Variants in NKAIN3 observed in about 807,000 individuals in gnomAD.
The protein encoded by NKAIN3 is sodium/potassium-transporting ATPase subunit beta-1-interacting protein 3.
Under a neutral mutation model 30.2 loss-of-function variants are expected in NKAIN3, and 25 were observed. The ratio of observed to expected loss-of-function variants is 0.83; its 90% CI spans 0.60 to 1.16. The LOEUF is 1.16. Ranked by LOEUF, NKAIN3 falls within the 50% of genes most tolerant of loss-of-function variation. The pLI is 0.00. For missense variants in NKAIN3, 225 were observed against 254.1 expected (o/e 0.89, Z 0.78); for synonymous variants, 91 against 89.6 (o/e 1.02, Z -0.09).
chr8:62,437,563 T>G, intron 1 of NKAIN3, among the ~76,000 whole-genome samples: 1 of 152,324 alleles, frequency 6.6e-6, no homozygotes, highest in East Asian at 1.9e-4. Flanking sequence ...CCTCCTGTCT[T>G]GCCATGCAAG....
At chr8:62,715,907 G>A (rs552562232) in intron 3 of NKAIN3, among the ~76,000 whole-genome samples, 1 of 152,284 alleles carries the variant, frequency 6.6e-6, no homozygotes, top group Non-Finnish European at 1.5e-5. Context: ...GGAGCAGGGT[G>A]GCAACAACCT....
intron 3 of NKAIN3, among the ~76,000 whole-genome samples, chr8:62,590,186 G>T (rs193181309): frequency 6.6e-6 from 1 of 151,716 alleles, no homozygotes. Context: ...AGATGTTAAC[G>T]TAACAGACAT....
chr8:62,809,849 C>T (rs867469409), intron 4 of NKAIN3, among the ~76,000 whole-genome samples: 3 of 152,170 alleles, frequency 2.0e-5, no homozygotes, highest in African/African-American at 7.2e-5. Flanking sequence ...CCTGAGGTAA[C>T]CTAGGTCTTC....
chr8:62,258,836 C>G (rs1585605243), intron 1 of NKAIN3, among the ~76,000 whole-genome samples: 1 of 151,960 alleles, frequency 6.6e-6, no homozygotes, highest in East Asian at 1.9e-4. Flanking sequence ...TTCCAAGGCC[C>G]CAGTATCTGG....
intron 4 of NKAIN3, among the ~76,000 whole-genome samples, chr8:62,751,324 C>T (rs1816276318): frequency 6.6e-6 from 1 of 152,172 alleles, no homozygotes; most frequent in African/African-American, 2.4e-5. Context: ...GTAGTTAATA[C>T]ATATACTTGG....
At chr8:62,389,557 C>T (rs780125238) in intron 1 of NKAIN3, among the ~76,000 whole-genome samples, 9 of 152,092 alleles carry the variant, frequency 5.9e-5, no homozygotes, top group African/African-American at 1.4e-4. Context: ...GGTTTAATAC[C>T]ACTGAATAAT....
At chr8:62,477,148 C>T (rs1806545576) in intron 1 of NKAIN3, among the ~76,000 whole-genome samples, 1 of 152,156 alleles carries the variant, frequency 6.6e-6, no homozygotes, top group African/African-American at 2.4e-5. Flanking sequence ...GTTAGCGTAT[C>T]AATCATGTGT....
At chr8:62,527,471 G>A (rs76000875) in intron 1 of NKAIN3, among the ~76,000 whole-genome samples, 2,291 of 152,204 alleles carry the variant, frequency 0.015, 51 homozygotes, top group African/African-American at 0.049. Context: ...AATGGATATA[G>A]GGCATGCATT....
At chr8:62,531,028 C>A (rs1336144891) in intron 1 of NKAIN3, among the ~76,000 whole-genome samples, 2 of 152,162 alleles carry the variant, frequency 1.3e-5, no homozygotes, top group African/African-American at 2.4e-5. Context: ...CTCCAGGAAT[C>A]CTGGTTTGCA....
At chr8:62,520,738 G>T (rs1808128985) in intron 1 of NKAIN3, among the ~76,000 whole-genome samples, 1 of 151,986 alleles carries the variant, frequency 6.6e-6, no homozygotes, top group African/African-American at 2.4e-5. Context: ...GTATACAGGT[G>T]GCTAGTGGCT....
chr8:62,531,390 A>G (rs1487419721), intron 1 of NKAIN3, among the ~76,000 whole-genome samples: 1 of 152,218 alleles, frequency 6.6e-6, no homozygotes, highest in East Asian at 1.9e-4. Context: ...TCCCTAAAAC[A>G]TCACATAAAT....
At chr8:62,780,823 T>C (rs1214647917) in intron 4 of NKAIN3, among the ~76,000 whole-genome samples, 7 of 151,996 alleles carry the variant, frequency 4.6e-5, no homozygotes, top group Non-Finnish European at 2.9e-5. Flanking sequence ...GACAAACCCA[T>C]AGCTAATATA....
At chr8:62,572,904 C>T (rs1809992172) in intron 1 of NKAIN3, among the ~76,000 whole-genome samples, 1 of 152,108 alleles carries the variant, frequency 6.6e-6, no homozygotes, top group Admixed American at 6.5e-5. Context: ...CAATAAGAAA[C>T]ATTGTATTTT....
chr8:62,578,742 G>A (rs1810199907), intron 1 of NKAIN3, among the ~76,000 whole-genome samples: 1 of 151,866 alleles, frequency 6.6e-6, no homozygotes, highest in Non-Finnish European at 1.5e-5. Context: ...GTTATACTAA[G>A]CCAATCGTTT....
chr8:62,642,615 G>C (rs1277141547), intron 3 of NKAIN3, among the ~76,000 whole-genome samples: 1 of 151,876 alleles, frequency 6.6e-6, no homozygotes, highest in African/African-American at 2.4e-5. Flanking sequence ...TGCTCTATCT[G>C]GTAAGGCAAA....
intron 3 of NKAIN3, among the ~76,000 whole-genome samples, chr8:62,645,161 G>C (rs1218701323): frequency 2.0e-5 from 3 of 152,084 alleles, no homozygotes; most frequent in Non-Finnish European, 4.4e-5. Context: ...AGCTTGGGTG[G>C]CTGTTAACAG....
chr8:62,595,158 A>G lies in NKAIN3; in HGVS notation c.273+5364A>G, dbSNP rs560213605. On this transcript the variant is annotated intron_variant, in intron 3 of 6. Transcript: ENST00000623646. The stretch of plus-strand genomic sequence containing the variant: ...TAATGAAAAACATTTTTATGTTGTT[A>G]CTAAAGTCATGGTTAATATTTTTAA... Among the ~76,000 whole-genome samples the G allele has an allele frequency of 9.2e-4, 140 of 152,088 alleles. 1 individual carries two copies. Among genetic ancestry groups the G allele is most frequent in the Middle Eastern group, 3.4e-3 (1 of 292 alleles).
intron 3 of NKAIN3, among the ~76,000 whole-genome samples, chr8:62,697,224 G>A (rs1049129220): frequency 6.6e-6 from 1 of 152,122 alleles, no homozygotes; most frequent in African/African-American, 2.4e-5. Context: ...GATCTACAGA[G>A]CTATCTCTTC....
intron 5 of NKAIN3, among the ~76,000 whole-genome samples, chr8:62,936,365 C>T (rs932798904): frequency 8.5e-5 from 13 of 152,130 alleles, no homozygotes; most frequent in Admixed American, 2.0e-4. Context: ...ATGTCCTGCT[C>T]TTAGCTGTCA....
Sources: gnomAD v4.1 joint callset for allele counts (sites outside exome capture counted in the v4.1 genomes callset) on GRCh38, gnomAD v4.1.1 for gene constraint, MANE v1.5 for transcripts, NCBI Gene and HGNC (gene_info 2026-07-23, HGNC 2026-07-21) for gene names.